Variants in TMC3 observed in about 807,000 individuals in gnomAD.
TMC3 encodes the protein transmembrane channel-like protein 3.
TMC3 carries 98 observed loss-of-function variants against 110.6 expected under a neutral mutation model. The observed-to-expected ratio is 0.89, with a 90% CI of 0.75 to 1.05. The LOEUF is 1.05. Among genes scored for constraint, TMC3 ranks in the 50% least tolerant of loss-of-function variants. TMC3 has a pLI of 0.00. For missense variants in TMC3, 1,319 were observed against 1,373.2 expected, an observed-to-expected ratio of 0.96 and a Z score of 0.62; for synonymous variants, 489 against 513.1, an observed-to-expected ratio of 0.95 and a Z score of 0.63.
chr15:81,360,105 A>T (rs1379572380), intron 4 of TMC3, among the ~76,000 whole-genome samples: 1 of 145,400 alleles, frequency 6.9e-6, no homozygotes, highest in Non-Finnish European at 1.5e-5. Context: ...TTATGTCATT[A>T]AAAAAAAAAA....
At chr15:81,355,446 A>G (rs139542555) in intron 9 of TMC3, among the ~76,000 whole-genome samples, 374 of 152,344 alleles carry the variant, frequency 2.5e-3, no homozygotes, top group Non-Finnish European at 4.6e-3. Context: ...TTGGTGCTCA[A>G]AATACCTCTT....
chr15:81,332,897 C>T lies in TMC3; in HGVS notation c.2825G>A (p.Ser942Asn), dbSNP rs765966596. ...GCTTGGCGTCTCCTCCTCTTCTTCACTCAGCTGTGGGGAGGGAGGCTGGCG... is the reference window on the plus strand; with the variant it reads ...GCTTGGCGTCTCCTCCTCTTCTTCATTCAGCTGTGGGGAGGGAGGCTGGCG... ...VPRQPPSPQLSEEEEETPSRD... is the reference protein window; with the variant it reads ...VPRQPPSPQLNEEEEETPSRD... Residue 942 changes from serine to asparagine, a missense_variant, in exon 22 of 22, where the codon AGT (serine) becomes AAT (asparagine). By Grantham distance (46) the Ser-to-Asn change is conservative. Coordinates refer to ENST00000359440, the MANE Select transcript of TMC3 (RefSeq NM_001080532.3). 1 of 1,613,342 alleles carries T rather than the reference C, an allele frequency of 6.2e-7. No homozygotes were observed. Among genetic ancestry groups the T allele is most frequent in the Admixed American group, 1.7e-5 (1 of 60,018 alleles).
At chr15:81,373,135 G>A (rs1894475347) in intron 1 of TMC3, among the ~76,000 whole-genome samples, 1 of 152,184 alleles carries the variant, frequency 6.6e-6, no homozygotes, top group African/African-American at 2.4e-5. Flanking sequence ...GAAATAATCA[G>A]CTAATTTTAG....
In TMC3 at chr15:81,358,400, AC is replaced by A. The variant is rs772672464; in HGVS notation, c.600+1del. 7 of 1,611,536 alleles carry A rather than the reference AC, an allele frequency of 4.3e-6. No individual in the cohort carries two copies. The highest frequency in any genetic ancestry group is 5.9e-6 in the Non-Finnish European group (7 of 1,178,668). On this transcript the variant is annotated splice_donor_variant, in intron 6 of 21. Transcript: ENST00000359440. LOFTEE classifies it high-confidence loss of function. Reference sequence around the variant, plus strand: ...AAGAGTGTGGCCAAGCATCAATCTCACCCCCAGAGACCAGACGGTGTCCAGG... The same window carrying A: ...AAGAGTGTGGCCAAGCATCAATCTCACCCCAGAGACCAGACGGTGTCCAGG...
chr15:81,332,183 T>C lies in TMC3; in HGVS notation c.*236A>G. 1 of 491,848 alleles carries C rather than the reference T, an allele frequency of 2.0e-6. No individual in the cohort carries two copies. Among genetic ancestry groups the C allele is most frequent in the Non-Finnish European group, 3.5e-6 (1 of 282,418 alleles). 30.5% of individuals were successfully genotyped at this position (491,848 alleles called of 1,614,324 possible). ...GAGATTGCTGCAGACCCGTGATGAT[T>C]CACTGCTGGTGACATACTTTGGTGC... is the stretch of plus-strand genomic sequence containing the variant. On this transcript the variant is annotated 3_prime_UTR_variant, in exon 22 of 22. Transcript: ENST00000359440.
chr15:81,353,559 A>T (rs903160644), intron 9 of TMC3, among the ~76,000 whole-genome samples: 7 of 152,198 alleles, frequency 4.6e-5, no homozygotes, highest in Admixed American at 3.3e-4. Flanking sequence ...ATATGTTTAG[A>T]TACACAAATA....
At position 81,356,564 on chromosome 15, in the gene TMC3, G is replaced by C; in HGVS notation, c.774C>G (p.Ala258=). 1.3e-6 allele frequency: 2 copies of C among 1,587,926 alleles called. No individual in the cohort carries two copies. Among genetic ancestry groups the C allele is most frequent in the Non-Finnish European group, 1.7e-6 (2 of 1,167,072 alleles). Residue 258 remains alanine (A), a synonymous_variant, in exon 8 of 22, where the codon GCC becomes GCG. Coordinates refer to ENST00000359440, the MANE Select transcript of TMC3 (RefSeq NM_001080532.3). The stretch of plus-strand genomic sequence containing the variant: ...AGGTATAGTTTTCATTGGAAGCACT[G>C]GCAAGACTCGTGCGGGAGTTCTTAG... ...KMAKNSRTSL[A]SASNENYTFC... is the part of the protein sequence containing the mutation.
intron 14 of TMC3, 85 bp downstream of exon 14, chr15:81,343,832 A>G (rs1307800210): frequency 4.0e-6 from 6 of 1,497,256 alleles, no homozygotes; most frequent in African/African-American, 1.4e-5. Context: ...CCCCTCAACT[A>G]TGCTGGACTG....
At chr15:81,364,690 A>AAAC (rs1425896864) in intron 3 of TMC3, among the ~76,000 whole-genome samples, 1 of 99,282 alleles carries the variant, frequency 1.0e-5, no homozygotes, top group African/African-American at 1.1e-4. Flanking sequence ...AATAAAAAAA[A>AAAC]ACATTATTCC....
intron 9 of TMC3, among the ~76,000 whole-genome samples, chr15:81,353,421 T>C (rs1349549516): frequency 6.6e-6 from 1 of 152,226 alleles, no homozygotes; most frequent in African/African-American, 2.4e-5. Context: ...CATTCACTAA[T>C]CACTCATTCA....
intron 21 of TMC3, among the ~76,000 whole-genome samples, chr15:81,334,184 G>T (rs1008780687): frequency 6.6e-6 from 1 of 151,932 alleles, no homozygotes; most frequent in African/African-American, 2.4e-5. Flanking sequence ...AAAAAAGAGA[G>T]CCCCTGTATT....
At chr15:81,362,181 A>G (rs760270100) in intron 4 of TMC3, 39 bp downstream of exon 4, 3 of 1,542,874 alleles carry the variant, frequency 1.9e-6, no homozygotes, top group Non-Finnish European at 2.6e-6. Context: ...GGCCACTAGC[A>G]TTGCATTCCT....
intron 2 of TMC3, among the ~76,000 whole-genome samples, chr15:81,370,166 A>G (rs1392111912): frequency 6.6e-6 from 1 of 152,202 alleles, no homozygotes; most frequent in Non-Finnish European, 1.5e-5. Flanking sequence ...GGAAACAAGC[A>G]TGTCCTATAT....
At position 81,358,263 on chromosome 15, in the gene TMC3, T is replaced by C; in HGVS notation, c.629A>G (p.Tyr210Cys). ...CTTCCTCTCCCTGCCGTAATATCCG[T>C]AGAAGAGGACAGAGTACTGGAGGTA... ...GGYLQYSVLFYGYYGRERKIG... is the reference protein window; with the variant it reads ...GGYLQYSVLFCGYYGRERKIG... Residue 210 changes from tyrosine (Y) to cysteine (C), a missense_variant, in exon 7 of 22, where the codon TAC becomes TGC. Physicochemically the swap from Tyr to Cys is radical, Grantham distance 194. Transcript: ENST00000359440. 1 of 1,612,404 alleles carries C rather than the reference T, an allele frequency of 6.2e-7. No individual in the cohort carries two copies. The highest frequency in any genetic ancestry group is 8.5e-7 in the Non-Finnish European group (1 of 1,179,266).
At chr15:81,340,975 A>T (rs959735470) in intron 16 of TMC3, among the ~76,000 whole-genome samples, 3 of 152,252 alleles carry the variant, frequency 2.0e-5, no homozygotes, top group African/African-American at 7.2e-5. Flanking sequence ...TACATCAAGT[A>T]AAACCCAGGC....
intron 11 of TMC3, among the ~76,000 whole-genome samples, chr15:81,349,194 C>CTCCTCTTCT (rs558575912): frequency 2.9e-3 from 441 of 152,000 alleles, no homozygotes; most frequent in African/African-American, 9.1e-3. Context: ...CCTTCTCCTC[C>CTCCTCTTCT]TCCTCTTCTT....
chr15:81,349,738 C>T (rs886615611), intron 10 of TMC3, among the ~76,000 whole-genome samples, 171 bp from the exon 11 acceptor site: 41 of 150,832 alleles, frequency 2.7e-4, no homozygotes, highest in Admixed American at 2.0e-3. Flanking sequence ...TTTCAAAAGG[C>T]GGCCACCACT....
intron 16 of TMC3, among the ~76,000 whole-genome samples, chr15:81,340,489 T>C (rs945022185): frequency 6.6e-6 from 1 of 152,200 alleles, no homozygotes; most frequent in African/African-American, 2.4e-5. Flanking sequence ...GAGCAAAAGT[T>C]TGAAAGCCAC....
intron 12 of TMC3, among the ~76,000 whole-genome samples, 173 bp downstream of exon 12, chr15:81,346,192 G>C (rs1893824862): frequency 6.6e-6 from 1 of 152,094 alleles, no homozygotes; most frequent in Non-Finnish European, 1.5e-5. Flanking sequence ...TGGGAAACAG[G>C]GATCATTTTT....
Sources: gnomAD v4.1 joint callset for allele counts (sites outside exome capture counted in the v4.1 genomes callset) on GRCh38, gnomAD v4.1.1 for gene constraint, MANE v1.5 for transcripts, NCBI Gene and HGNC (gene_info 2026-07-23, HGNC 2026-07-21) for gene names.